ITGA3: variants seen among roughly 807,000 people sequenced by gnomAD.
ITGA3 encodes integrin alpha-3.
ITGA3 carries 70 observed loss-of-function variants against 131.1 expected under a neutral mutation model. The ratio of observed to expected loss-of-function variants is 0.53; its 90% CI spans 0.44 to 0.65. The LOEUF (loss-of-function observed/expected upper bound fraction) is 0.65, where lower values mean the gene tolerates loss of function less well. Ranked by LOEUF, ITGA3 falls within the 30% of genes least tolerant of loss-of-function variation. The pLI is 0.00. For synonymous variants in ITGA3, 537 were observed against 571.6 expected, an observed-to-expected ratio of 0.94 and a Z score of 0.86; for missense variants, 1,098 against 1,388.6, an observed-to-expected ratio of 0.79 and a Z score of 3.33.
At chr17:50,072,650 G>T (rs1908686171) in intron 7 of ITGA3, among the ~76,000 whole-genome samples, 1 of 152,104 alleles carries the variant, frequency 6.6e-6, no homozygotes, top group Admixed American at 6.5e-5. Flanking sequence ...TCCAGAGAAA[G>T]TTTTAGGGCA....
chr17:50,067,189 C>A (rs980800585), intron 3 of ITGA3, among the ~76,000 whole-genome samples: 7 of 152,188 alleles, frequency 4.6e-5, no homozygotes, highest in Admixed American at 2.6e-4. Flanking sequence ...CTAAGACAGG[C>A]TCAGGTAACA....
chr17:50,086,581 T>TG (rs1909444359), intron 23 of ITGA3: 1 of 143,698 alleles, frequency 7.0e-6, no homozygotes, highest in South Asian at 2.2e-4. Context: ...TCCAGCTACT[T>TG]GGGAGGCTGC....
chr17:50,071,816 T>G (rs2144282318), intron 6 of ITGA3, 170 bp from the exon 7 acceptor site: 1 of 647,714 alleles, frequency 1.5e-6, no homozygotes, highest in Admixed American at 2.9e-5. Context: ...GTGGGTCATA[T>G]TGGCATCTCC....
chr17:50,070,603 A>T (rs1384056385), intron 4 of ITGA3, among the ~76,000 whole-genome samples: 2 of 130,908 alleles, frequency 1.5e-5, no homozygotes, highest in South Asian at 2.4e-4. Flanking sequence ...GCAAGATCAC[A>T]CCATTGCACT....
Position 50,076,984 on chromosome 17 carries a change from A to G in ITGA3, c.1933A>G (p.Ser645Gly). ...QQQKLSRLQY[S>G]RDVRKLLLSI... ...GGCTCCTGCTCTCAGGCTCCAGTACAGCAGAGACGTCCGGAAATTGCTCCT... is the reference window on the plus strand; with the variant it reads ...GGCTCCTGCTCTCAGGCTCCAGTACGGCAGAGACGTCCGGAAATTGCTCCT... Residue 645 changes from serine to glycine, a missense_variant, in exon 15 of 26, where the codon AGC (serine) becomes GGC (glycine). Ser to Gly is a moderately conservative substitution (Grantham distance 56). Coordinates refer to ENST00000320031, the MANE Select transcript of ITGA3 (RefSeq NM_002204.4). 6.2e-7 allele frequency: 1 copy of G among 1,609,656 alleles called. No homozygotes were observed. Among genetic ancestry groups the G allele is most frequent in the Non-Finnish European group, 8.5e-7 (1 of 1,177,272 alleles).
intron 23 of ITGA3, among the ~76,000 whole-genome samples, chr17:50,082,140 A>C (rs1437078093): frequency 5.9e-5 from 9 of 152,078 alleles, no homozygotes. Flanking sequence ...GCCATGTACC[A>C]CGATGCCCAG....
rs763799707 is a variant in ITGA3 at position 50,068,069 on chromosome 17, G to A, written c.428G>A (p.Arg143His). The part of the protein sequence containing the change: ...PAGRVLVCAH[R>H]YTQVLWSGSE... ...GGGGGTCCCCAGGTCTGTGCCCACC[G>A]CTACACCCAGGTGCTGTGGTCAGGG... Residue 143 changes from arginine (R) to histidine (H), a missense_variant, in exon 4 of 26, where the codon CGC becomes CAC. Coordinates refer to ENST00000320031, the MANE Select transcript of ITGA3 (RefSeq NM_002204.4). 7 of 1,614,002 alleles carry A rather than the reference G, an allele frequency of 4.3e-6. No homozygotes were observed. The highest frequency in any genetic ancestry group is 1.7e-5 in the Admixed American group (1 of 60,030).
intron 10 of ITGA3, 64 bp from the exon 11 acceptor site, chr17:50,075,395 G>A (rs1192903480): frequency 3.2e-6 from 5 of 1,551,874 alleles, no homozygotes; most frequent in East Asian, 2.2e-5. Context: ...GTACAGAGGC[G>A]AGAGCTAGGG....
In ITGA3 at chr17:50,084,250, A is replaced by AAAC. The variant is rs1472817827; in HGVS notation, c.2919+2844_2919+2845insCAA. Reference sequence around the variant, plus strand: ...TGTCTCAAAAAAAAAAAAAAAAAAAAAAAAAAGAATAATGCTGTCTAATGC... The same window carrying AAAC: ...TGTCTCAAAAAAAAAAAAAAAAAAAAAACAAAAAAGAATAATGCTGTCTAATGC... On this transcript the variant is annotated intron_variant, in intron 23 of 25. Coordinates refer to ENST00000320031, the MANE Select transcript of ITGA3 (RefSeq NM_002204.4). Among the ~76,000 whole-genome samples the AAAC allele has an allele frequency of 4.7e-3, 703 of 150,102 alleles. 12 individuals are homozygous for AAAC. Among genetic ancestry groups the AAAC allele is most frequent in the African/African-American group, 0.017 (676 of 40,360 alleles).
chr17:50,066,586 G>A (rs1384570836), intron 3 of ITGA3, among the ~76,000 whole-genome samples: 1 of 151,970 alleles, frequency 6.6e-6, no homozygotes, highest in Non-Finnish European at 1.5e-5. Context: ...ATCAACCTGG[G>A]CAACACGGCA....
In ITGA3 at chr17:50,076,353, A is replaced by G. The variant is rs1908890788; in HGVS notation, c.1702A>G (p.Ile568Val). Residue 568 changes from isoleucine (I) to valine (V), a missense_variant, in exon 13 of 26, where the codon ATC becomes GTC. By Grantham distance (29) the Ile-to-Val change is conservative. Coordinates refer to ENST00000320031, the MANE Select transcript of ITGA3 (RefSeq NM_002204.4). ...MDNLRDKLRP[I>V]IISMNYSLPL... ...CAACCTCCGTGACAAACTCCGCCCC[A>G]TCATCATCTCCATGAACTACTCTTT... is the stretch of plus-strand genomic sequence containing the variant. The G allele has an allele frequency of 6.2e-7, 1 of 1,613,714 alleles. No individual in the cohort carries two copies. The highest frequency in any genetic ancestry group is 8.5e-7 in the Non-Finnish European group (1 of 1,179,954).
chr17:50,088,138 G>T, intron 24 of ITGA3, 87 bp from the exon 25 acceptor site: 1 of 1,476,788 alleles, frequency 6.8e-7, no homozygotes, highest in Non-Finnish European at 9.0e-7. Context: ...AGGCTCCCCA[G>T]CCCTAAAGCC....
chr17:50,082,180 G>GTATT lies in ITGA3; in HGVS notation c.2919+790_2919+793dup, dbSNP rs1555556550. ...TTTATTTCTTTATTCATGTATTTAT[G>GTATT]TATTTATTTATTTATTTATTTTTTG... On this transcript the variant is annotated intron_variant, in intron 23 of 25. Transcript: ENST00000320031. Among the ~76,000 whole-genome samples, 1,201 of 151,642 alleles carry GTATT rather than the reference G, an allele frequency of 7.9e-3. 13 individuals are homozygous for GTATT. Among genetic ancestry groups the GTATT allele is most frequent in the African/African-American group, 0.028 (1,142 of 41,280 alleles).
chr17:50,059,322 C>T (rs1244575498), intron 1 of ITGA3, among the ~76,000 whole-genome samples: 1 of 152,324 alleles, frequency 6.6e-6, no homozygotes, highest in African/African-American at 2.4e-5. Flanking sequence ...GGAATCCAGG[C>T]ATTCTGGTCT....
Position 50,064,883 on chromosome 17 carries a change from A to G in ITGA3, c.414+276A>G. On this transcript the variant is annotated intron_variant, in intron 3 of 25. Coordinates refer to ENST00000320031, the MANE Select transcript of ITGA3 (RefSeq NM_002204.4). This position sits in a 1 kb window ranked among gnomAD's most constrained non-coding sequence, Gnocchi z 4.4. ...CACTGGGTGCTCAGCCTTCGTGGGA[A>G]CAAGCCGAGGGAGCCGAGGGAACTG... 5.8e-6 allele frequency: 2 copies of G among 346,574 alleles called. No homozygotes were observed. Among genetic ancestry groups the G allele is most frequent in the Non-Finnish European group, 1.1e-5 (2 of 190,382 alleles). 21.5% of individuals were successfully genotyped at this position (346,574 alleles called of 1,614,324 possible).
intron 4 of ITGA3, among the ~76,000 whole-genome samples, chr17:50,070,487 A>G (rs1908568490): frequency 6.6e-6 from 1 of 151,896 alleles, no homozygotes; most frequent in Admixed American, 6.6e-5. Context: ...CTCTACTGAA[A>G]ATACAAAAAT....
intron 22 of ITGA3, 44 bp downstream of exon 22, chr17:50,080,419 G>C: frequency 8.2e-7 from 1 of 1,218,466 alleles, no homozygotes; most frequent in Non-Finnish European, 1.2e-6. Context: ...TCCACCCTGA[G>C]GGGGAGAACA....
At position 50,068,319 on chromosome 17, in the gene ITGA3, G is replaced by C. The variant is rs1181551608; in HGVS notation, c.664+14G>C. 1.9e-6 allele frequency: 3 copies of C among 1,610,432 alleles called. No homozygotes were observed. In the Admixed American group the frequency reaches 5.0e-5, roughly 27 times the overall value. ...ACAACTGGAAAGGTGGGGACCATGG[G>C]GCCATGGGGGAAGAAAGGAAGAGCA... On this transcript the variant is annotated intron_variant, in intron 4 of 25. Coordinates refer to ENST00000320031, the MANE Select transcript of ITGA3 (RefSeq NM_002204.4).
In ITGA3 at chr17:50,089,418, T is replaced by A; in HGVS notation, c.*340T>A. On this transcript the variant is annotated 3_prime_UTR_variant, in exon 26 of 26. Coordinates refer to ENST00000320031, the MANE Select transcript of ITGA3 (RefSeq NM_002204.4). ...CCTCGTCAAGAGCATGCACATGCTG[T>A]CTGGCCCTGGGGATCTTCCCACAGG... 1.6e-6 allele frequency: 1 copy of A among 643,018 alleles called. No individual in the cohort carries two copies. Among genetic ancestry groups the A allele is most frequent in the Non-Finnish European group, 2.7e-6 (1 of 370,096 alleles). 39.8% of individuals were successfully genotyped at this position (643,018 alleles called of 1,614,324 possible). A position where few individuals can be genotyped will look rare whatever the true frequency, so the allele number is the denominator to read the frequency against.
Sources: gnomAD v4.1 joint callset for allele counts (sites outside exome capture counted in the v4.1 genomes callset) on GRCh38, gnomAD v4.1.1 for gene constraint, Gnocchi (gnomAD v3.1) non-coding constraint, MANE v1.5 for transcripts, NCBI Gene and HGNC (gene_info 2026-07-23, HGNC 2026-07-21) for gene names.